GPHN: variants seen among roughly 807,000 people sequenced by gnomAD.
GPHN encodes the protein gephyrin.
Under a neutral mutation model 95.5 loss-of-function variants are expected in GPHN, and 17 were observed. That is an observed-to-expected ratio of 0.18 (90% CI 0.12 to 0.27). The LOEUF (loss-of-function observed/expected upper bound fraction) is 0.27, where lower values mean the gene tolerates loss of function less well. GPHN is among the 10% of genes least tolerant of loss of function. GPHN has a pLI of 1.00. For missense variants in GPHN, 660 were observed against 978.1 expected, an observed-to-expected ratio of 0.67 and a Z score of 4.34; for synonymous variants, 320 against 322.5, an observed-to-expected ratio of 0.99 and a Z score of 0.08.
the GPHN span, chr14:67,411,909 A>T: frequency 9.8e-7 from 1 of 1,018,438 alleles, no homozygotes; most frequent in Non-Finnish European, 1.4e-6. Context: ...GGGGTTGGGG[A>T]TGGGAACCAG....
the GPHN span, chr14:67,617,482 G>T: frequency 6.6e-6 from 1 of 152,338 alleles, no homozygotes; most frequent in South Asian, 2.1e-4. Context: ...GCGTTATCAT[G>T]TAGGTGCTGA....
the GPHN span, among the ~76,000 whole-genome samples, chr14:67,348,365 C>T: frequency 3.3e-5 from 5 of 152,014 alleles, no homozygotes; most frequent in African/African-American, 7.2e-5. Context: ...CCATCACACC[C>T]GGCCTAATTT....
chr14:67,559,548 C>G, the GPHN span: 19 of 1,220,486 alleles, frequency 1.6e-5, no homozygotes, highest in Non-Finnish European at 2.1e-5. Flanking sequence ...TTTCCCACCT[C>G]CAGTCAGTCA....
At chr14:66,644,467 A>G (rs1287130403) in intron 1 of GPHN, among the ~76,000 whole-genome samples, 3 of 152,028 alleles carry the variant, frequency 2.0e-5, no homozygotes, top group Admixed American at 6.6e-5. Context: ...TTTTCCTTCT[A>G]TCCTTTTAAG....
rs59312092 is a variant in GPHN, at chr14:66,930,525, G to GTT, written c.828+6250_828+6251dup. 4.1e-4 allele frequency among the ~76,000 whole-genome samples: 53 copies of GTT among 130,846 alleles called. 1 individual carries two copies. The highest frequency in any genetic ancestry group is 5.9e-4 in the Non-Finnish European group (36 of 61,448). 85.8% of individuals were successfully genotyped at this position (130,846 alleles called of 152,430 possible). A position where few individuals can be genotyped will look rare whatever the true frequency, so the allele number is the denominator to read the frequency against. ...AATAGTATGTCTCAAAAAGTTGTAG[G>GTT]TTTTTTTTTTTTTTTTTTGAGACAG... On this transcript the variant is annotated intron_variant, in intron 8 of 22. Coordinates refer to ENST00000478722, the MANE Select transcript of GPHN (RefSeq NM_020806.5).
At chr14:67,489,726 C>G in the GPHN span, among the ~76,000 whole-genome samples, 1 of 152,212 alleles carries the variant, frequency 6.6e-6, no homozygotes, top group Non-Finnish European at 1.5e-5. Context: ...CGCGGTGGCT[C>G]ACGCCTGTAA....
In GPHN at chr14:67,040,781, T is replaced by G. The variant is rs755045055; in HGVS notation, c.1006+17106T>G. Among the ~76,000 whole-genome samples, 8 of 152,326 alleles carry G rather than the reference T, an allele frequency of 5.3e-5. No homozygotes were observed. The Middle Eastern group carries it at 0.014, about 259-fold the overall frequency. ...TGTTATACATTTGGTCAGGAATATC[T>G]CAAATGTGATGTTGTATCTTTCTCA... On this transcript the variant is annotated intron_variant, in intron 10 of 22. Coordinates refer to ENST00000478722, the MANE Select transcript of GPHN (RefSeq NM_020806.5).
At chr14:67,271,264 A>G in the GPHN span, 2 of 152,184 alleles carry the variant, frequency 1.3e-5, no homozygotes, top group African/African-American at 2.4e-5. Flanking sequence ...CTTTACTTCT[A>G]TCTGATTCTC....
chr14:67,361,351 T>A, the GPHN span, among the ~76,000 whole-genome samples: 5 of 152,344 alleles, frequency 3.3e-5, no homozygotes, highest in Admixed American at 1.3e-4. Flanking sequence ...TGCTACCTAT[T>A]CTTAGTTCAT....
intron 1 of GPHN, among the ~76,000 whole-genome samples, chr14:66,517,208 A>G (rs1594790222): frequency 6.6e-6 from 1 of 151,806 alleles, no homozygotes; most frequent in Middle Eastern, 3.4e-3. Context: ...ATGAAGGAAC[A>G]TTTACACGGT....
chr14:66,691,098 T>A (rs950243737), intron 2 of GPHN, among the ~76,000 whole-genome samples: 5 of 152,148 alleles, frequency 3.3e-5, no homozygotes, highest in African/African-American at 4.8e-5. Context: ...TCCTGGCACT[T>A]TGGGAGACTG....
At chr14:67,621,050 C>A in the GPHN span, 2 of 1,330,810 alleles carry the variant, frequency 1.5e-6, no homozygotes, top group South Asian at 2.4e-5. Context: ...AGGGACTACA[C>A]AGCTTTGTGT....
the GPHN span, chr14:67,561,925 C>T: frequency 6.5e-7 from 1 of 1,541,576 alleles, no homozygotes. Flanking sequence ...GGCTGGGTGT[C>T]CTAAATCTTC....
intron 9 of GPHN, among the ~76,000 whole-genome samples, chr14:66,976,764 G>A (rs1222702958): frequency 6.6e-6 from 1 of 152,076 alleles, no homozygotes; most frequent in East Asian, 1.9e-4. Context: ...GTGGTAATAT[G>A]TGAAAATAAA....
intron 1 of GPHN, among the ~76,000 whole-genome samples, chr14:66,628,754 A>G (rs1838356859): frequency 6.6e-6 from 1 of 152,048 alleles, no homozygotes; most frequent in African/African-American, 2.4e-5. Flanking sequence ...AAACATAAAC[A>G]TATTGTACAA....
At chr14:66,532,523 G>T (rs1252771555) in intron 1 of GPHN, among the ~76,000 whole-genome samples, 1 of 152,214 alleles carries the variant, frequency 6.6e-6, no homozygotes, top group East Asian at 1.9e-4. Flanking sequence ...TTTGTGGGAA[G>T]AGACTACCCA....
chr14:66,519,217 G>A (rs1161356632), intron 1 of GPHN, among the ~76,000 whole-genome samples: 1 of 151,858 alleles, frequency 6.6e-6, no homozygotes, highest in East Asian at 1.9e-4. Flanking sequence ...ATATTTATGT[G>A]TTATAAAGAA....
chr14:66,661,585 C>T (rs762788860), intron 1 of GPHN, among the ~76,000 whole-genome samples: 4 of 152,142 alleles, frequency 2.6e-5, no homozygotes, highest in Non-Finnish European at 5.9e-5. Context: ...GAGTCCAAAC[C>T]GACCAGGGCA....
At chr14:66,632,661 T>G (rs921442178) in intron 1 of GPHN, among the ~76,000 whole-genome samples, 1 of 151,784 alleles carries the variant, frequency 6.6e-6, no homozygotes, top group African/African-American at 2.4e-5. Flanking sequence ...CCCTGCTAAT[T>G]TTTGTATTTT....
Sources: allele counts gnomAD v4.1 joint callset (sites outside exome capture counted in the v4.1 genomes callset), GRCh38; gene constraint gnomAD v4.1.1; transcripts MANE v1.5; gene names NCBI Gene and HGNC (gene_info 2026-07-23, HGNC 2026-07-21).